Variants in KCNH8 observed in about 807,000 individuals in gnomAD.
KCNH8 encodes voltage-gated delayed rectifier potassium channel KCNH8.
A neutral mutation model predicts 103.6 loss-of-function variants in KCNH8; 70 were observed. The observed-to-expected ratio is 0.68, with a 90% CI of 0.56 to 0.82. The LOEUF (loss-of-function observed/expected upper bound fraction) is 0.82, where lower values mean the gene tolerates loss of function less well. Among genes scored for constraint, KCNH8 ranks in the 40% least tolerant of loss-of-function variants. The pLI, the probability that KCNH8 is intolerant of heterozygous loss-of-function variation, is 0.00. For missense variants in KCNH8, 1,217 were observed against 1,329.9 expected, an observed-to-expected ratio of 0.92 and a Z score of 1.32; for synonymous variants, 498 against 489.4, an observed-to-expected ratio of 1.02 and a Z score of -0.23.
At chr3:19,493,891 G>C (rs2068379469) in intron 11 of KCNH8, among the ~76,000 whole-genome samples, 1 of 152,030 alleles carries the variant, frequency 6.6e-6, no homozygotes, top group South Asian at 2.1e-4. Context: ...ACATGTGCAG[G>C]TTTGCTATAT....
intron 2 of KCNH8, among the ~76,000 whole-genome samples, chr3:19,265,733 G>T (rs2125262219): frequency 6.6e-6 from 1 of 151,982 alleles, no homozygotes; most frequent in African/African-American, 2.4e-5. Context: ...CTCTTGAGTT[G>T]GATAGGAATT....
intron 7 of KCNH8, among the ~76,000 whole-genome samples, chr3:19,428,582 T>G (rs575365773): frequency 1.2e-3 from 188 of 152,378 alleles, no homozygotes; most frequent in African/African-American, 4.4e-3. Context: ...GCTTGCTACA[T>G]GTAATACTGC....
At chr3:19,195,558 T>C (rs1318795566) in intron 1 of KCNH8, among the ~76,000 whole-genome samples, 3 of 151,928 alleles carry the variant, frequency 2.0e-5, no homozygotes, top group African/African-American at 7.2e-5. Context: ...CAATGGAACA[T>C]CTTTTACTCC....
At chr3:19,294,406 T>C (rs914010979) in intron 3 of KCNH8, among the ~76,000 whole-genome samples, 1 of 152,138 alleles carries the variant, frequency 6.6e-6, no homozygotes, top group Non-Finnish European at 1.5e-5. Flanking sequence ...TTTGTTTGCA[T>C]AATGGAAAAA....
At chr3:19,313,024 C>T (rs1406834397) in intron 3 of KCNH8, among the ~76,000 whole-genome samples, 1 of 119,364 alleles carries the variant, frequency 8.4e-6, no homozygotes, top group African/African-American at 4.3e-5. Context: ...CTATTGGCTG[C>T]TTTGGCTTTC....
intron 3 of KCNH8, among the ~76,000 whole-genome samples, chr3:19,323,776 CGGATCTAGCCACCCAGTGGAGCAACTG>C (rs1158976315): frequency 6.6e-6 from 1 of 152,072 alleles, no homozygotes; most frequent in Non-Finnish European, 1.5e-5. Context: ...ATTTCTCTTC[CGGATCTAGCCACCCAGTGGAGCAACTG>C]GGATCTAGGT....
chr3:19,385,150 C>T (rs2066339214), intron 5 of KCNH8, among the ~76,000 whole-genome samples: 1 of 152,122 alleles, frequency 6.6e-6, no homozygotes, highest in East Asian at 1.9e-4. Context: ...GTATTCTGTG[C>T]TGCTGCTGAG....
chr3:19,370,791 G>A, intron 5 of KCNH8, among the ~76,000 whole-genome samples: 1 of 143,724 alleles, frequency 7.0e-6, no homozygotes, highest in South Asian at 2.2e-4. Flanking sequence ...CCCAGAGTGT[G>A]ATATTCCCCT....
intron 2 of KCNH8, among the ~76,000 whole-genome samples, chr3:19,278,490 A>C: frequency 8.5e-6 from 1 of 118,082 alleles, no homozygotes; most frequent in South Asian, 3.4e-4. Flanking sequence ...GGAAGGAGGG[A>C]AATGAGGAAG....
intron 7 of KCNH8, among the ~76,000 whole-genome samples, chr3:19,421,322 A>T (rs2066947981): frequency 6.6e-6 from 1 of 152,066 alleles, no homozygotes; most frequent in Non-Finnish European, 1.5e-5. Context: ...TACCATTTTG[A>T]ACCTCCCATT....
intron 1 of KCNH8, among the ~76,000 whole-genome samples, chr3:19,150,107 T>C (rs2063114160): frequency 6.6e-6 from 1 of 152,250 alleles, no homozygotes; most frequent in African/African-American, 2.4e-5. Context: ...CATCTAGCCA[T>C]TCTTTTCCCT....
At chr3:19,403,277 A>G (rs1156764342) in intron 7 of KCNH8, among the ~76,000 whole-genome samples, 1 of 149,760 alleles carries the variant, frequency 6.7e-6, no homozygotes, top group African/African-American at 2.4e-5. Context: ...TCTGTACTCT[A>G]CATAGTCCTC....
intron 1 of KCNH8, among the ~76,000 whole-genome samples, chr3:19,185,661 C>T (rs2063494692): frequency 6.6e-6 from 1 of 151,528 alleles, no homozygotes; most frequent in East Asian, 1.9e-4. Flanking sequence ...TACAAGAGGA[C>T]CATTTATCAC....
chr3:19,217,070 T>C (rs2063825197), intron 1 of KCNH8, among the ~76,000 whole-genome samples: 1 of 152,198 alleles, frequency 6.6e-6, no homozygotes, highest in South Asian at 2.1e-4. Context: ...GTGAGGTTAT[T>C]GTAAAGATTA....
At chr3:19,235,528 G>C (rs1266502921) in intron 1 of KCNH8, among the ~76,000 whole-genome samples, 4 of 152,132 alleles carry the variant, frequency 2.6e-5, no homozygotes, top group Admixed American at 2.0e-4. Flanking sequence ...AACAAATACG[G>C]AAATATGGTT....
Position 19,253,730 on chromosome 3 carries a change from G to C in KCNH8, c.153G>C (p.Glu51Asp). 1 of 1,613,840 alleles carries C rather than the reference G, an allele frequency of 6.2e-7. No homozygotes were observed. Among genetic ancestry groups the C allele is most frequent in the South Asian group, 1.1e-5 (1 of 91,072 alleles). The change falls in exon 2 of 16, where the codon GAG becomes GAC. Residue 51 changes from glutamate to aspartate, a missense_variant. Coordinates refer to ENST00000328405, the MANE Select transcript of KCNH8 (RefSeq NM_144633.3). ...TCTACTGTTCCGATGGCTTCTGCGAGCTTGCTGGATTTGCCCGAACTGAAG... is the reference window on the plus strand; with the variant it reads ...TCTACTGTTCCGATGGCTTCTGCGACCTTGCTGGATTTGCCCGAACTGAAG... ...PIVYCSDGFCELAGFARTEVM... is the reference protein window; with the variant it reads ...PIVYCSDGFCDLAGFARTEVM...
chr3:19,380,626 A>T (rs546852339), intron 5 of KCNH8, among the ~76,000 whole-genome samples: 2 of 152,340 alleles, frequency 1.3e-5, no homozygotes, highest in South Asian at 4.1e-4. Context: ...CTACTCAAGT[A>T]ACTCTGGGGG....
At chr3:19,291,543 G>T (rs1221308026) in intron 3 of KCNH8, among the ~76,000 whole-genome samples, 1 of 152,198 alleles carries the variant, frequency 6.6e-6, no homozygotes, top group African/African-American at 2.4e-5. Context: ...TTTCCATGTA[G>T]TTGAGCGGTT....
chr3:19,198,177 C>T (rs890930786), intron 1 of KCNH8, among the ~76,000 whole-genome samples: 2 of 152,002 alleles, frequency 1.3e-5, no homozygotes, highest in Admixed American at 1.3e-4. Flanking sequence ...TTCCAATCTT[C>T]AGAGCATTTA....
Sources: allele counts gnomAD v4.1 joint callset (sites outside exome capture counted in the v4.1 genomes callset), GRCh38; gene constraint gnomAD v4.1.1; transcripts MANE v1.5; gene names NCBI Gene and HGNC (gene_info 2026-07-23, HGNC 2026-07-21).